VBP1: variants seen among roughly 807,000 people sequenced by gnomAD.
VBP1 encodes the protein prefoldin subunit 3.
A neutral mutation model predicts 15.5 loss-of-function variants in VBP1; 4 were observed. That is an observed-to-expected ratio of 0.26 (90% confidence interval 0.13 to 0.59). VBP1 has a LOEUF of 0.59. Ranked by LOEUF, VBP1 falls within the 20% of genes least tolerant of loss-of-function variation. The probability of loss-of-function intolerance (pLI) is 0.90; values close to 1 mark genes in which losing one functional copy is unlikely to be tolerated. For synonymous variants in VBP1, 61 were observed against 52.1 expected (o/e 1.17, Z -0.74); for missense variants, 108 against 139.6 (o/e 0.77, Z 1.14).
chrX:155,238,472 G>A (rs1170043450), intron 5 of VBP1, among the ~76,000 whole-genome samples: 1 of 112,113 alleles, frequency 8.9e-6, no homozygotes, highest in South Asian at 3.7e-4. Context: ...TAAAACTATC[G>A]AGAGTGTCTA....
intron 1 of VBP1, among the ~76,000 whole-genome samples, chrX:155,199,559 G>A (rs2124027864): frequency 8.9e-6 from 1 of 111,767 alleles, no homozygotes; most frequent in African/African-American, 3.3e-5. Flanking sequence ...AGCAAATGCT[G>A]AGAGATTTTG....
In VBP1 at chrX:155,216,690, G is replaced by T. The variant is rs782329721; in HGVS notation, c.93+115G>T. 16 of 1,020,035 alleles carry T rather than the reference G, an allele frequency of 1.6e-5. 1 individual carries two copies. In the South Asian group the frequency reaches 3.2e-4, roughly 20 times the overall value. 84.1% of individuals were successfully genotyped at this position (1,020,035 alleles called of 1,213,427 possible). On this transcript the variant is annotated intron_variant, in intron 1 of 5. Transcript: ENST00000286428. ...AGGAGCTGAGCCAAGTGTTCAGGGA[G>T]GGGGCGCTCGGTCTGCTCTCACCCC... is the stretch of plus-strand genomic sequence containing the variant.
chrX:155,211,913 C>A (rs1390722211), upstream of VBP1, among the ~76,000 whole-genome samples: 1 of 111,793 alleles, frequency 8.9e-6, no homozygotes, highest in Non-Finnish European at 1.9e-5. Context: ...CATATCCATG[C>A]CTTTCAATTA....
chrX:155,236,591 T>C (rs1557311614), intron 5 of VBP1, among the ~76,000 whole-genome samples: 1 of 111,708 alleles, frequency 9.0e-6, no homozygotes, highest in Non-Finnish European at 1.9e-5. Context: ...AAAAAAAAAT[T>C]AGAATACAAA....
chrX:155,210,510 G>A (rs1557308434), intron 2 of VBP1, among the ~76,000 whole-genome samples: 3 of 111,463 alleles, frequency 2.7e-5, no homozygotes, highest in African/African-American at 9.8e-5. Context: ...CCCTCTGAGT[G>A]CCCTCAGTAG....
intron 4 of VBP1, among the ~76,000 whole-genome samples, chrX:155,232,214 G>T (rs1337592880): frequency 9.5e-6 from 1 of 105,024 alleles, no homozygotes; most frequent in African/African-American, 3.5e-5. Flanking sequence ...CCATTTTTCT[G>T]TTGGATTCTT....
chrX:155,218,878 C>T (rs1487012540), intron 1 of VBP1, among the ~76,000 whole-genome samples: 1 of 112,066 alleles, frequency 8.9e-6, no homozygotes, highest in African/African-American at 3.2e-5. Context: ...AAACCAGGCA[C>T]CTCCTGTCTC....
intron 1 of VBP1, among the ~76,000 whole-genome samples, chrX:155,201,634 C>T (rs1371655916): frequency 2.2e-5 from 2 of 89,939 alleles, no homozygotes; most frequent in African/African-American, 4.9e-5. Flanking sequence ...CTATCTATGA[C>T]AAACCCACAG....
chrX:155,203,084 G>A lies in VBP1; in HGVS notation c.-30-5790G>A, dbSNP rs1332450943. 7.1e-5 allele frequency among the ~76,000 whole-genome samples: 8 copies of A among 111,937 alleles called. No individual in the cohort carries two copies. In the East Asian group the frequency reaches 2.2e-3, roughly 31 times the overall value. On this transcript the variant is annotated intron_variant, in intron 1 of 6. Transcript: ENST00000535916. ...GATACCGTCTCACACCAGTTAGAAT[G>A]GCGATCATTAAAAAGTCAGGAAACA...
Position 155,236,147 on chromosome X carries a change from G to C in VBP1, c.385-82G>C, listed in dbSNP as rs1195726401. ...GGCAGCAAGCTGGATTTGACCTGAG[G>C]GCTGTAGTTTGCCCACACTTTACTC... On this transcript the variant is annotated intron_variant, in intron 4 of 5. Coordinates refer to ENST00000286428, the MANE Select transcript of VBP1 (RefSeq NM_003372.7). The C allele has an allele frequency of 7.7e-6, 8 of 1,042,117 alleles. No homozygotes were observed. The Admixed American group carries it at 2.3e-4, about 30-fold the overall frequency. The allele number at this position is 1,042,117 out of a possible 1,213,427, so 85.9% of individuals were successfully genotyped here. A position where few individuals can be genotyped will look rare whatever the true frequency, so the allele number is the denominator to read the frequency against.
chrX:155,208,343 G>A lies in VBP1; in HGVS notation c.-30-531G>A, dbSNP rs12013217. ...TCAAAGCCTTTCTAGTTCCACCTACGTCCTTGACCTGATGTGCTTGCGCTT... is the reference window on the plus strand; with the variant it reads ...TCAAAGCCTTTCTAGTTCCACCTACATCCTTGACCTGATGTGCTTGCGCTT... On this transcript the variant is annotated intron_variant, in intron 1 of 6. Transcript: ENST00000535916. Among the ~76,000 whole-genome samples, 573 of 112,387 alleles carry A rather than the reference G, an allele frequency of 5.1e-3. 3 individuals are homozygous for A. The highest frequency in any genetic ancestry group is 0.018 in the African/African-American group (549 of 30,966).
rs975945496 is a variant in VBP1 at position 155,216,722 on chromosome X, C to G, written c.93+147C>G. ...CTCGGTCTGCTCTCACCCCTCGCAC[C>G]TGGACAGATTGAGCTCTGCTGGGGG... On this transcript the variant is annotated intron_variant, in intron 1 of 5. Coordinates refer to ENST00000286428, the MANE Select transcript of VBP1 (RefSeq NM_003372.7). 7 of 816,502 alleles carry G rather than the reference C, an allele frequency of 8.6e-6. No individual in the cohort carries two copies. The African/African-American group carries it at 1.5e-4, about 17-fold the overall frequency. The allele number at this position is 816,502 out of a possible 1,213,427, so 67.3% of individuals were successfully genotyped here.
intron 1 of VBP1, among the ~76,000 whole-genome samples, chrX:155,204,485 A>T (rs1021979928): frequency 3.6e-5 from 4 of 111,879 alleles, no homozygotes; most frequent in African/African-American, 1.3e-4. Context: ...CAAGAGTTGG[A>T]TATATGGTTA....
At chrX:155,233,964 G>A (rs1195491047) in intron 4 of VBP1, among the ~76,000 whole-genome samples, 2 of 110,713 alleles carry the variant, frequency 1.8e-5, no homozygotes, top group Non-Finnish European at 1.9e-5. Context: ...GGGTTCAACC[G>A]GAGAAATAGA....
At chrX:155,230,126 C>T (rs1369084034) in intron 4 of VBP1, among the ~76,000 whole-genome samples, 4 of 111,548 alleles carry the variant, frequency 3.6e-5, no homozygotes, top group East Asian at 2.8e-4. Flanking sequence ...GAATCAGGGT[C>T]GATTCCTTCT....
chrX:155,201,603 C>T (rs1602864920), intron 1 of VBP1, among the ~76,000 whole-genome samples: 3 of 82,572 alleles, frequency 3.6e-5, no homozygotes, highest in South Asian at 5.3e-4. Context: ...ATTGATGGGA[C>T]GTATCTCAAA....
chrX:155,238,111 A>G (rs1312874561), intron 5 of VBP1, among the ~76,000 whole-genome samples: 1 of 112,027 alleles, frequency 8.9e-6, no homozygotes, highest in East Asian at 2.8e-4. Flanking sequence ...AAGTGAGGAA[A>G]TCCTCTAAGA....
upstream of VBP1, among the ~76,000 whole-genome samples, chrX:155,215,551 A>G (rs782814433): frequency 8.9e-6 from 1 of 112,297 alleles, no homozygotes; most frequent in South Asian, 3.7e-4. Context: ...AGACATATCT[A>G]TGTCTATATG....
intron 4 of VBP1, among the ~76,000 whole-genome samples, chrX:155,230,867 G>C (rs1260316985): frequency 2.7e-5 from 3 of 111,194 alleles, no homozygotes; most frequent in African/African-American, 9.8e-5. Context: ...TGGTAGAGAC[G>C]GGGTTTTGCC....
Sources: gnomAD v4.1 joint callset for allele counts (sites outside exome capture counted in the v4.1 genomes callset) on GRCh38, gnomAD v4.1.1 for gene constraint, MANE v1.5 for transcripts, NCBI Gene and HGNC (gene_info 2026-07-23, HGNC 2026-07-21) for gene names.